LONP2: variants seen among roughly 807,000 people sequenced by gnomAD.
LONP2 encodes the protein lon protease homolog 2, peroxisomal.
In LONP2, 60 loss-of-function variants were observed where a neutral mutation model predicts 85.6. The ratio of observed to expected loss-of-function variants is 0.70; its 90% confidence interval spans 0.57 to 0.87. LONP2 has a LOEUF of 0.87. LONP2 is among the 40% of genes least tolerant of loss of function. The pLI is 0.00. For missense variants in LONP2, 860 were observed against 1,063.5 expected, an observed-to-expected ratio of 0.81 and a Z score of 2.66; for synonymous variants, 395 against 389.7, an observed-to-expected ratio of 1.01 and a Z score of -0.16.
At chr16:48,282,097 G>GT (rs1272840693) in intron 8 of LONP2, among the ~76,000 whole-genome samples, 3 of 152,238 alleles carry the variant, frequency 2.0e-5, no homozygotes, top group Non-Finnish European at 2.9e-5. Context: ...CACAGACTGT[G>GT]TTTTTTTAAC....
chr16:48,312,638 G>T (rs1341544669), intron 11 of LONP2, among the ~76,000 whole-genome samples: 1 of 152,096 alleles, frequency 6.6e-6, no homozygotes, highest in Non-Finnish European at 1.5e-5. Context: ...GGGTGATTGG[G>T]CTCAAGGCCT....
At chr16:48,361,997 T>G, downstream of LONP2, 1 of 1,614,198 alleles carries the variant, frequency 6.2e-7, no homozygotes, top group Non-Finnish European at 8.5e-7. Flanking sequence ...GATGGGGCAT[T>G]ACAGCATCCA....
intron 11 of LONP2, among the ~76,000 whole-genome samples, chr16:48,331,677 G>C (rs544859603): frequency 3.9e-4 from 59 of 151,166 alleles, no homozygotes; most frequent in African/African-American, 1.4e-3. Flanking sequence ...CCATTCTCCT[G>C]CCTCAGCCTC....
chr16:48,358,404 T>C (rs1229224962), downstream of LONP2, among the ~76,000 whole-genome samples: 1 of 152,176 alleles, frequency 6.6e-6, no homozygotes, highest in Non-Finnish European at 1.5e-5. Flanking sequence ...AAAATTACAG[T>C]GAATCCTCAA....
chr16:48,312,186 A>G (rs1187615002), intron 11 of LONP2, among the ~76,000 whole-genome samples: 1 of 151,998 alleles, frequency 6.6e-6, no homozygotes, highest in Non-Finnish European at 1.5e-5. Flanking sequence ...CAAGTGATCC[A>G]TCCACCTTGG....
intron 8 of LONP2, among the ~76,000 whole-genome samples, chr16:48,278,424 A>AT (rs1478728087): frequency 6.6e-6 from 1 of 151,618 alleles, no homozygotes; most frequent in Non-Finnish European, 1.5e-5. Flanking sequence ...CCATTCCCTC[A>AT]TTTTTGTGGT....
intron 11 of LONP2, among the ~76,000 whole-genome samples, chr16:48,323,962 G>T (rs1394021556): frequency 1.3e-5 from 2 of 152,136 alleles, no homozygotes; most frequent in Non-Finnish European, 2.9e-5. Context: ...TGGCAGCCCT[G>T]GTCAGTAACT....
At chr16:48,254,543 T>C (rs1971718724) in intron 2 of LONP2, among the ~76,000 whole-genome samples, 1 of 151,954 alleles carries the variant, frequency 6.6e-6, no homozygotes, top group Non-Finnish European at 1.5e-5. Context: ...TTTTGTGTCT[T>C]TAGTAGAGAT....
chr16:48,295,603 T>C (rs541689335), intron 8 of LONP2, among the ~76,000 whole-genome samples: 1 of 152,356 alleles, frequency 6.6e-6, no homozygotes, highest in South Asian at 2.1e-4. Flanking sequence ...TCTTATTTAC[T>C]GGTTCTTTGA....
intron 3 of LONP2, among the ~76,000 whole-genome samples, chr16:48,258,095 C>G (rs1596913029): frequency 6.6e-6 from 1 of 152,148 alleles, no homozygotes; most frequent in African/African-American, 2.4e-5. Context: ...CGCCTGTAAT[C>G]CCAACACTTT....
intron 11 of LONP2, among the ~76,000 whole-genome samples, chr16:48,318,398 A>G (rs1467251576): frequency 6.6e-6 from 1 of 152,136 alleles, no homozygotes. Flanking sequence ...ACACACCTGT[A>G]GTCCCAGCTA....
At chr16:48,257,378 C>T (rs1321913884) in intron 3 of LONP2, among the ~76,000 whole-genome samples, 2 of 152,204 alleles carry the variant, frequency 1.3e-5, no homozygotes, top group East Asian at 1.9e-4. Context: ...TATTTTTAAA[C>T]GTGGAGCCAT....
At chr16:48,320,342 C>A (rs1973237289) in intron 11 of LONP2, among the ~76,000 whole-genome samples, 1 of 151,890 alleles carries the variant, frequency 6.6e-6, no homozygotes, top group African/African-American at 2.4e-5. Flanking sequence ...TCATTCTTAC[C>A]TTTCCTTTGA....
intron 11 of LONP2, among the ~76,000 whole-genome samples, chr16:48,329,084 C>A (rs1226481572): frequency 2.0e-5 from 3 of 152,118 alleles, no homozygotes; most frequent in African/African-American, 7.2e-5. Context: ...TAATGTTAAT[C>A]TCATAACTCA....
intron 11 of LONP2, among the ~76,000 whole-genome samples, chr16:48,332,083 A>G (rs1356170984): frequency 2.0e-5 from 3 of 152,200 alleles, no homozygotes; most frequent in African/African-American, 7.2e-5. Context: ...CCAGAAGTTC[A>G]CAGTGGTATC....
rs1329701647 is a variant in LONP2, at chr16:48,355,369, T to C, written c.*3567T>C. ...TTTGCCCTTCGATTCCCTTCCACCA[T>C]ATGAGGACACAGCAACAGGCCCCGT... is the stretch of plus-strand genomic sequence containing the variant. On this transcript the variant is annotated 3_prime_UTR_variant, in exon 15 of 15. Coordinates refer to ENST00000285737, the MANE Select transcript of LONP2 (RefSeq NM_031490.5). 1 of 152,122 alleles carries C rather than the reference T, an allele frequency of 6.6e-6. No individual in the cohort carries two copies. Among genetic ancestry groups the C allele is most frequent in the Admixed American group, 6.6e-5 (1 of 15,264 alleles). The allele number at this position is 152,122 out of a possible 1,614,324, so 9.4% of individuals were successfully genotyped here.
At position 48,362,372 on chromosome 16, in the gene LONP2, G is replaced by C. The variant is rs779762711; in HGVS notation, c.*509G>C. The C allele has an allele frequency of 6.2e-7, 1 of 1,614,138 alleles. No homozygotes were observed. The highest frequency in any genetic ancestry group is 8.5e-7 in the Non-Finnish European group (1 of 1,180,016). On this transcript the variant is annotated 3_prime_UTR_variant, in exon 5 of 5. Transcript: ENST00000565867. This position sits in a 1 kb window ranked among gnomAD's most constrained non-coding sequence, Gnocchi z 4.2. The stretch of plus-strand genomic sequence containing the variant: ...TGCCAGTCAGGGCAGGCACCCTCTG[G>C]GATGGTGGACACTTCGAGGTACCGG...
intron 6 of LONP2, among the ~76,000 whole-genome samples, chr16:48,266,899 TGA>T (rs1491437162): frequency 6.6e-6 from 1 of 151,884 alleles, no homozygotes; most frequent in Non-Finnish European, 1.5e-5. Context: ...GAGACCAGCA[TGA>T]GTAACACAGG....
intron 11 of LONP2, among the ~76,000 whole-genome samples, chr16:48,324,073 C>T (rs1233108690): frequency 1.3e-5 from 2 of 152,176 alleles, no homozygotes; most frequent in Non-Finnish European, 2.9e-5. Flanking sequence ...GTTGGAAATA[C>T]TCAGGTTTTT....
Sources: allele counts gnomAD v4.1 joint callset (sites outside exome capture counted in the v4.1 genomes callset), GRCh38; gene constraint gnomAD v4.1.1; non-coding constraint Gnocchi (gnomAD v3.1); transcripts MANE v1.5; gene names NCBI Gene and HGNC (gene_info 2026-07-23, HGNC 2026-07-21).